MDGA2: variants seen among roughly 807,000 people sequenced by gnomAD.
The protein encoded by MDGA2 is MAM domain-containing glycosylphosphatidylinositol anchor protein 2.
MDGA2 carries 40 observed loss-of-function variants against 117.8 expected under a neutral mutation model. That is an observed-to-expected ratio of 0.34 (90% CI 0.26 to 0.44). MDGA2 has a LOEUF of 0.44. MDGA2 is among the 20% of genes least tolerant of loss of function. MDGA2 has a pLI of 1.00. For synonymous variants in MDGA2, 452 were observed against 439.0 expected (o/e 1.03, Z -0.37); for missense variants, 1,123 against 1,250.6 (o/e 0.90, Z 1.54).
intron 1 of MDGA2, among the ~76,000 whole-genome samples, chr14:47,615,222 TA>T (rs1428066344): frequency 2.6e-5 from 4 of 152,128 alleles, no homozygotes; most frequent in Non-Finnish European, 1.5e-5. Flanking sequence ...GTTGAATTAA[TA>T]AAAAAAGATT....
chr14:46,991,867 T>A (rs969524127), intron 8 of MDGA2, among the ~76,000 whole-genome samples: 9 of 152,256 alleles, frequency 5.9e-5, no homozygotes, highest in Middle Eastern at 3.4e-3. Flanking sequence ...GCTAGATCAC[T>A]ATCTGTAATA....
chr14:47,399,906 T>G (rs1472225719), intron 1 of MDGA2, among the ~76,000 whole-genome samples: 4 of 152,164 alleles, frequency 2.6e-5, no homozygotes, highest in Non-Finnish European at 2.9e-5. Context: ...AGGATCCAAG[T>G]GTACACTTGG....
chr14:47,541,397 A>T (rs754296594), intron 1 of MDGA2, among the ~76,000 whole-genome samples: 1 of 152,234 alleles, frequency 6.6e-6, no homozygotes, highest in Non-Finnish European at 1.5e-5. Context: ...TTAGGAGGCC[A>T]CATAATTTTC....
chr14:46,968,209 C>T (rs910322577), intron 8 of MDGA2, among the ~76,000 whole-genome samples: 1 of 152,158 alleles, frequency 6.6e-6, no homozygotes, highest in Non-Finnish European at 1.5e-5. Context: ...GCTGATGCTG[C>T]AGGCTATTAT....
chr14:47,008,446 T>C (rs780130953), intron 8 of MDGA2, among the ~76,000 whole-genome samples: 9 of 152,066 alleles, frequency 5.9e-5, no homozygotes, highest in Non-Finnish European at 1.3e-4. Flanking sequence ...CTGGACCACC[T>C]TGCTAAATAA....
intron 1 of MDGA2, among the ~76,000 whole-genome samples, chr14:47,478,268 A>G (rs12586748): frequency 0.46 from 70,203 of 152,112 alleles, 16,447 homozygotes; most frequent in East Asian, 0.61. Context: ...TAACATGCAG[A>G]CATATTGCAT....
chr14:47,654,718 A>T (rs1486093684), intron 1 of MDGA2, among the ~76,000 whole-genome samples: 1 of 152,068 alleles, frequency 6.6e-6, no homozygotes, highest in Non-Finnish European at 1.5e-5. Context: ...TGGCAGCCAA[A>T]CTCATCACCA....
chr14:46,938,054 A>G (rs1884846175), intron 9 of MDGA2, among the ~76,000 whole-genome samples: 1 of 152,212 alleles, frequency 6.6e-6, no homozygotes, highest in Non-Finnish European at 1.5e-5. Flanking sequence ...TATTCATATT[A>G]CAGGGAATTA....
chr14:47,530,333 C>T (rs9323143), intron 1 of MDGA2, among the ~76,000 whole-genome samples: 113,986 of 152,132 alleles, frequency 0.75, 43,126 homozygotes, highest in East Asian at 1. Flanking sequence ...CCTGTTTCTA[C>T]TGATTGTTTG....
At chr14:46,916,692 C>A (rs1883912949) in intron 10 of MDGA2, among the ~76,000 whole-genome samples, 1 of 151,982 alleles carries the variant, frequency 6.6e-6, no homozygotes, top group Admixed American at 6.6e-5. Context: ...TTCTTACACC[C>A]CATCTACAAA....
At chr14:47,266,200 C>A (rs974568983) in intron 2 of MDGA2, among the ~76,000 whole-genome samples, 8 of 152,138 alleles carry the variant, frequency 5.3e-5, no homozygotes, top group African/African-American at 1.9e-4. Flanking sequence ...AACTCCCAAG[C>A]CCATTCTTTA....
intron 1 of MDGA2, among the ~76,000 whole-genome samples, chr14:47,365,916 ACT>A (rs575511919): frequency 6.6e-6 from 1 of 151,560 alleles, no homozygotes; most frequent in Non-Finnish European, 1.5e-5. Flanking sequence ...AATACTTCTA[ACT>A]CTTTCGTCAT....
At chr14:47,006,109 C>G (rs1887699904) in intron 8 of MDGA2, among the ~76,000 whole-genome samples, 1 of 151,146 alleles carries the variant, frequency 6.6e-6, no homozygotes, top group Admixed American at 6.6e-5. Context: ...CCTCTGTTTA[C>G]CAATTTGAAA....
At chr14:47,480,083 A>T (rs375489812) in intron 1 of MDGA2, among the ~76,000 whole-genome samples, 2 of 151,798 alleles carry the variant, frequency 1.3e-5, no homozygotes, top group Non-Finnish European at 1.5e-5. Flanking sequence ...TTACAAAAAA[A>T]TCAATGTTTC....
At chr14:46,846,904 T>C (rs1343098448) in intron 15 of MDGA2, among the ~76,000 whole-genome samples, 1 of 152,148 alleles carries the variant, frequency 6.6e-6, no homozygotes, top group Admixed American at 6.5e-5. Flanking sequence ...TCTAGACTTA[T>C]GTCATCACAA....
At chr14:47,458,971 C>T (rs1893422860) in intron 1 of MDGA2, among the ~76,000 whole-genome samples, 1 of 150,202 alleles carries the variant, frequency 6.7e-6, no homozygotes, top group South Asian at 2.1e-4. Context: ...ATATTTTCTT[C>T]TGCCCTTCAA....
At chr14:47,070,287 G>T (rs907377213) in intron 6 of MDGA2, among the ~76,000 whole-genome samples, 5 of 151,828 alleles carry the variant, frequency 3.3e-5, no homozygotes, top group Non-Finnish European at 2.9e-5. Context: ...ATAGGCCCCT[G>T]GTCCTCATTT....
intron 1 of MDGA2, among the ~76,000 whole-genome samples, chr14:47,565,453 G>C (rs909152440): frequency 6.6e-6 from 1 of 152,146 alleles, no homozygotes; most frequent in African/African-American, 2.4e-5. Context: ...TTGGGGGGCT[G>C]TTATCAGGCC....
intron 2 of MDGA2, among the ~76,000 whole-genome samples, chr14:47,270,020 G>A (rs777544226): frequency 3.9e-5 from 6 of 152,264 alleles, no homozygotes; most frequent in Non-Finnish European, 8.8e-5. Context: ...ACAGCGTGGA[G>A]CCATTTCCAT....
Sources: gnomAD v4.1 joint callset for allele counts (sites outside exome capture counted in the v4.1 genomes callset) on GRCh38, gnomAD v4.1.1 for gene constraint, MANE v1.5 for transcripts, NCBI Gene and HGNC (gene_info 2026-07-23, HGNC 2026-07-21) for gene names.